Variants in SPATA9 observed in about 807,000 individuals in gnomAD.
SPATA9 encodes spermatogenesis-associated protein 9.
SPATA9 carries 27 observed loss-of-function variants against 25.5 expected under a neutral mutation model. That is an observed-to-expected ratio of 1.06 (90% CI 0.78 to 1.46). The LOEUF (loss-of-function observed/expected upper bound fraction) is 1.46, where lower values mean the gene tolerates loss of function less well. Among genes scored for constraint, SPATA9 ranks in the 40% most tolerant of loss-of-function variants. The pLI is 0.00. For missense variants in SPATA9, 282 were observed against 297.5 expected, an observed-to-expected ratio of 0.95 and a Z score of 0.38; for synonymous variants, 102 against 105.7, an observed-to-expected ratio of 0.97 and a Z score of 0.21.
At chr5:95,704,355 G>A in the SPATA9 span, among the ~76,000 whole-genome samples, 38 of 152,246 alleles carry the variant, frequency 2.5e-4, no homozygotes, top group East Asian at 7.1e-3. Context: ...AGGACACGTG[G>A]CAGACACATG....
chr5:95,708,904 G>A, the SPATA9 span: 1 of 369,034 alleles, frequency 2.7e-6, no homozygotes, highest in Non-Finnish European at 4.9e-6. Context: ...AAACAAACAA[G>A]AGAAGTAAAT....
At chr5:95,690,003 T>TA (rs770676933) in intron 1 of SPATA9, among the ~76,000 whole-genome samples, 40 of 151,926 alleles carry the variant, frequency 2.6e-4, no homozygotes, top group Non-Finnish European at 5.0e-4. Context: ...CATAGACACA[T>TA]AGAGGGGAAC....
chr5:95,691,437 A>G (rs2112705963), intron 1 of SPATA9, among the ~76,000 whole-genome samples: 1 of 152,280 alleles, frequency 6.6e-6, no homozygotes, highest in South Asian at 2.1e-4. Flanking sequence ...TAGGATTTCT[A>G]TGCTGTCTCA....
the SPATA9 span, among the ~76,000 whole-genome samples, chr5:95,724,972 G>A: frequency 2.6e-5 from 4 of 151,898 alleles, no homozygotes; most frequent in Middle Eastern, 0.01. Flanking sequence ...AGAATCAATT[G>A]AGTCTAGCCT....
the SPATA9 span, among the ~76,000 whole-genome samples, chr5:95,724,054 T>C: frequency 6.6e-6 from 1 of 152,258 alleles, no homozygotes; most frequent in Non-Finnish European, 1.5e-5. Context: ...ACATACATTA[T>C]GAAATTTTCC....
upstream of SPATA9, among the ~76,000 whole-genome samples, chr5:95,701,911 AG>A (rs1754186122): frequency 6.6e-6 from 1 of 152,230 alleles, no homozygotes; most frequent in African/African-American, 2.4e-5. Flanking sequence ...GTAATGTTCT[AG>A]AAAAAAACAG....
the SPATA9 span, among the ~76,000 whole-genome samples, chr5:95,729,601 C>T: frequency 6.6e-6 from 1 of 152,158 alleles, no homozygotes; most frequent in Non-Finnish European, 1.5e-5. Context: ...ACTATATATG[C>T]ACCTCATGCA....
intron 4 of SPATA9, among the ~76,000 whole-genome samples, chr5:95,663,568 A>G (rs1751478622): frequency 1.3e-5 from 2 of 152,144 alleles, no homozygotes; most frequent in Non-Finnish European, 2.9e-5. Flanking sequence ...CATGCACAGC[A>G]CTTGTAATCC....
chr5:95,725,621 T>C, the SPATA9 span, among the ~76,000 whole-genome samples: 1 of 152,252 alleles, frequency 6.6e-6, no homozygotes, highest in African/African-American at 2.4e-5. Context: ...GTGTGTTGTA[T>C]TGCACAACAA....
At chr5:95,731,253 C>A in the SPATA9 span, 8 of 1,004,862 alleles carry the variant, frequency 8.0e-6, no homozygotes, top group Non-Finnish European at 8.3e-6. Flanking sequence ...GCACGTGCTG[C>A]GCCCGGTCCG....
chr5:95,700,116 T>C (rs902336943), upstream of SPATA9, among the ~76,000 whole-genome samples: 5 of 152,210 alleles, frequency 3.3e-5, no homozygotes, highest in Non-Finnish European at 5.9e-5. Flanking sequence ...GGGTGAAAGC[T>C]AAAGCAGTGT....
downstream of SPATA9, chr5:95,654,479 C>A: frequency 1.4e-6 from 1 of 734,994 alleles, no homozygotes; most frequent in Non-Finnish European, 2.2e-6. Context: ...TCCAAGTATT[C>A]TGGGAATTCA....
At chr5:95,682,730 C>T in intron 1 of SPATA9, 64 bp downstream of exon 1, 1 of 1,503,914 alleles carries the variant, frequency 6.6e-7, no homozygotes, top group Non-Finnish European at 9.0e-7. Context: ...TAAAGGAACT[C>T]TAGGGGATCT....
At chr5:95,688,317 A>C (rs1485069353) in intron 1 of SPATA9, among the ~76,000 whole-genome samples, 1 of 152,154 alleles carries the variant, frequency 6.6e-6, no homozygotes, top group Admixed American at 6.6e-5. Context: ...CAGTGGTGTG[A>C]TCAAAACTCA....
the SPATA9 span, among the ~76,000 whole-genome samples, chr5:95,715,228 G>A: frequency 6.6e-6 from 1 of 151,728 alleles, no homozygotes. Flanking sequence ...GGAGGCTGAG[G>A]CAGGAGAATG....
At chr5:95,662,757 CAA>C (rs1751383368) in intron 4 of SPATA9, among the ~76,000 whole-genome samples, 1 of 152,124 alleles carries the variant, frequency 6.6e-6, no homozygotes, top group African/African-American at 2.4e-5. Context: ...CAGAAATTAA[CAA>C]AGAGGATATC....
Position 95,658,555 on chromosome 5 carries a change from T to A in SPATA9, c.*68A>T. 1 of 1,512,032 alleles carries A rather than the reference T, an allele frequency of 6.6e-7. No individual in the cohort carries two copies. Among genetic ancestry groups the A allele is most frequent in the Non-Finnish European group, 8.8e-7 (1 of 1,133,768 alleles). 93.7% of individuals were successfully genotyped at this position (1,512,032 alleles called of 1,614,324 possible). A position where few individuals can be genotyped will look rare whatever the true frequency, so the allele number is the denominator to read the frequency against. On this transcript the variant is annotated 3_prime_UTR_variant, in exon 5 of 5. Transcript: ENST00000274432. ...AATTCAGAATATGTAAACTAGACTC[T>A]GAGTTTTGTCAGATGAAATGTGCCA...
At chr5:95,654,897 T>C (rs1401780150), downstream of SPATA9, among the ~76,000 whole-genome samples, 2 of 152,036 alleles carry the variant, frequency 1.3e-5, no homozygotes, top group African/African-American at 4.8e-5. Context: ...GTATATATTA[T>C]TTTTATAATA....
At chr5:95,661,439 C>T (rs1183448519) in intron 4 of SPATA9, among the ~76,000 whole-genome samples, 2 of 152,090 alleles carry the variant, frequency 1.3e-5, no homozygotes, top group Non-Finnish European at 2.9e-5. Flanking sequence ...ATTATCAGAT[C>T]ACCAAAAATT....
Sources: allele counts gnomAD v4.1 joint callset (sites outside exome capture counted in the v4.1 genomes callset), GRCh38; gene constraint gnomAD v4.1.1; transcripts MANE v1.5; gene names NCBI Gene and HGNC (gene_info 2026-07-23, HGNC 2026-07-21).